GALNT15: variants seen among roughly 807,000 people sequenced by gnomAD.
GALNT15 encodes the protein polypeptide N-acetylgalactosaminyltransferase 15, also known as UDP-GalNAc transferase T15.
In GALNT15, 67 loss-of-function variants were observed where a neutral mutation model predicts 66.8. The observed-to-expected ratio is 1.00, with a 90% CI of 0.82 to 1.23. The LOEUF is 1.23. GALNT15 is among the 50% of genes most tolerant of loss of function. The pLI, the probability that GALNT15 is intolerant of heterozygous loss-of-function variation, is 0.00. For missense variants in GALNT15, 827 were observed against 804.3 expected (o/e 1.03, Z -0.34); for synonymous variants, 313 against 311.5 (o/e 1.00, Z -0.05).
chr3:16,205,093 G>A (rs2063743725), intron 3 of GALNT15, among the ~76,000 whole-genome samples: 1 of 152,178 alleles, frequency 6.6e-6, no homozygotes. Flanking sequence ...ATACCCTTCA[G>A]CATGACACGT....
the GALNT15 span, chr3:16,244,039 G>C: frequency 8.1e-6 from 8 of 982,592 alleles, no homozygotes; most frequent in Non-Finnish European, 9.7e-6. Context: ...ACTCAGAAGA[G>C]TGGCAGGCAC....
intron 8 of GALNT15, among the ~76,000 whole-genome samples, chr3:16,221,461 G>A (rs559793068): frequency 2.6e-5 from 4 of 152,146 alleles, no homozygotes; most frequent in Non-Finnish European, 5.9e-5. Flanking sequence ...TGAAAGTAGA[G>A]GAATTGGACA....
the GALNT15 span, among the ~76,000 whole-genome samples, chr3:16,238,837 G>A: frequency 2.0e-5 from 3 of 152,210 alleles, no homozygotes; most frequent in African/African-American, 7.2e-5. The surrounding 1 kb of genome is among the most constrained non-coding windows in gnomAD (Gnocchi z 4.8). Context: ...CATTGGTTTG[G>A]ATGCATTCAG....
At chr3:16,245,560 C>T in the GALNT15 span, among the ~76,000 whole-genome samples, 1 of 152,226 alleles carries the variant, frequency 6.6e-6, no homozygotes, top group Non-Finnish European at 1.5e-5. Flanking sequence ...TTGGCTGGGT[C>T]CTTTCTAGCA....
rs1428198839 is a variant in GALNT15 at position 16,184,231 on chromosome 3, A to C, written c.539+8541A>C. Among the ~76,000 whole-genome samples the C allele has an allele frequency of 1.3e-5, 2 of 152,214 alleles. No homozygotes were observed. Among genetic ancestry groups the C allele is most frequent in the Non-Finnish European group, 2.9e-5 (2 of 68,036 alleles). On this transcript the variant is annotated intron_variant, in intron 1 of 9. Transcript: ENST00000339732. This position sits in a 1 kb window ranked among gnomAD's most constrained non-coding sequence, Gnocchi z 5.0. ...ACCGAGATAGTAAAATATTCACCGGATATTTCGTTGAAGCAGAGAAGTTAG... is the reference window on the plus strand; with the variant it reads ...ACCGAGATAGTAAAATATTCACCGGCTATTTCGTTGAAGCAGAGAAGTTAG...
rs184380890 is a variant in GALNT15 at position 16,203,381 on chromosome 3, G to A, written c.911+2558G>A. ...GTGTCCTAGGCTAGAAAGAAAATGA[G>A]GCTCCCTGGGAAGCCCTTTGTGATT... is the stretch of plus-strand genomic sequence containing the variant. On this transcript the variant is annotated intron_variant, in intron 3 of 9. Coordinates refer to ENST00000339732, the MANE Select transcript of GALNT15 (RefSeq NM_054110.5). This position sits in a 1 kb window ranked among gnomAD's most constrained non-coding sequence, Gnocchi z 6.2. 3.9e-4 allele frequency among the ~76,000 whole-genome samples: 60 copies of A among 152,148 alleles called. No individual in the cohort carries two copies. Among genetic ancestry groups the A allele is most frequent in the African/African-American group, 1.3e-3 (55 of 41,478 alleles).
chr3:16,175,684 A>C lies in GALNT15; in HGVS notation c.533A>C (p.His178Pro). 2 of 1,581,048 alleles carry C rather than the reference A, an allele frequency of 1.3e-6. No individual in the cohort carries two copies. The highest frequency in any genetic ancestry group is 2.7e-5 in the African/African-American group (2 of 73,876). Residue 178 changes from histidine to proline, a missense_variant, in exon 1 of 10, where the codon CAC becomes CCC. By Grantham distance (77) the His-to-Pro change is moderately conservative (BLOSUM62 -2). Coordinates refer to ENST00000339732, the MANE Select transcript of GALNT15 (RefSeq NM_054110.5). This position sits in a 1 kb window ranked among gnomAD's most constrained non-coding sequence, Gnocchi z 5.6. ...PLQRALPEVRHPLCLQQHPQD... is the reference protein window; with the variant it reads ...PLQRALPEVRPPLCLQQHPQD... ...CAGAGGGCTCTGCCCGAGGTGCGGC[A>C]CCCACTGTAAGTAAGGCCCTTGTTT...
In GALNT15 at chr3:16,212,782, G is replaced by A; in HGVS notation, c.1392+19G>A. 6.2e-7 allele frequency: 1 copy of A among 1,607,246 alleles called. No homozygotes were observed. The highest frequency in any genetic ancestry group is 8.5e-7 in the Non-Finnish European group (1 of 1,176,204). ...GAGCAAGGTAAGGAGAGAGCCAAGT[G>A]GGGCTTCTGTGTCCAGCACAGGGCC... is the stretch of plus-strand genomic sequence containing the variant. On this transcript the variant is annotated intron_variant, in intron 6 of 9. Coordinates refer to ENST00000339732, the MANE Select transcript of GALNT15 (RefSeq NM_054110.5).
In GALNT15 at chr3:16,225,473, G is replaced by A. The variant is rs867272318; in HGVS notation, c.1774-1881G>A. Among the ~76,000 whole-genome samples the A allele has an allele frequency of 2.0e-5, 3 of 152,204 alleles. No individual in the cohort carries two copies. Among genetic ancestry groups the A allele is most frequent in the Admixed American group, 6.5e-5 (1 of 15,288 alleles). ...GCACTTCGGGAGGCCGAGGCAGGTG[G>A]ATCACGAGGTCAGGAGGCTGAGACC... On this transcript the variant is annotated intron_variant, in intron 9 of 9. Coordinates refer to ENST00000339732, the MANE Select transcript of GALNT15 (RefSeq NM_054110.5). This position sits in a 1 kb window ranked among gnomAD's most constrained non-coding sequence, Gnocchi z 4.4.
rs1164412111 is a variant in GALNT15, at chr3:16,209,735, T to C, written c.1079+1065T>C. 6.6e-6 allele frequency among the ~76,000 whole-genome samples: 1 copy of C among 152,154 alleles called. No homozygotes were observed. Among genetic ancestry groups the C allele is most frequent in the African/African-American group, 2.4e-5 (1 of 41,418 alleles). ...TACTTGGGAGGCTGAGGCACAAGAA[T>C]CACTGGAACCCAGGAGGCAGAGGTT... On this transcript the variant is annotated intron_variant, in intron 4 of 9. Transcript: ENST00000339732. This position sits in a 1 kb window ranked among gnomAD's most constrained non-coding sequence, Gnocchi z 4.1.
Position 16,195,704 on chromosome 3 carries a change from GGA to G in GALNT15, c.540-54_540-53del, listed in dbSNP as rs1164142172. 4.0e-6 allele frequency: 6 copies of G among 1,509,610 alleles called. No individual in the cohort carries two copies. The highest frequency in any genetic ancestry group is 5.5e-6 in the Non-Finnish European group (6 of 1,098,590). 93.5% of individuals were successfully genotyped at this position (1,509,610 alleles called of 1,614,324 possible). Reference sequence around the variant, plus strand: ...GCAAAGGAAGCGAGTTAGAGGGTGTGGAGTGTTTCTTGTGGCCTTCTCTTCCC... The same window carrying G: ...GCAAAGGAAGCGAGTTAGAGGGTGTGGTGTTTCTTGTGGCCTTCTCTTCCC... On this transcript the variant is annotated intron_variant, in intron 1 of 9. Transcript: ENST00000339732. This position sits in a 1 kb window ranked among gnomAD's most constrained non-coding sequence, Gnocchi z 4.6.
In GALNT15 at chr3:16,180,829, CTG is replaced by C. The variant is rs2063462598; in HGVS notation, c.539+5143_539+5144del. ...TTTTAACTTGCCTTTATGGTTCAGC[CTG>C]TGTTTCCCTGGTTTATGTACCCATA... On this transcript the variant is annotated intron_variant, in intron 1 of 9. Transcript: ENST00000339732. This position sits in a 1 kb window ranked among gnomAD's most constrained non-coding sequence, Gnocchi z 5.0. Among the ~76,000 whole-genome samples the C allele has an allele frequency of 6.6e-6, 1 of 152,206 alleles. No homozygotes were observed. Among genetic ancestry groups the C allele is most frequent in the Non-Finnish European group, 1.5e-5 (1 of 68,038 alleles).
chr3:16,227,642 A>G lies in GALNT15; in HGVS notation c.*142A>G. 6.7e-7 allele frequency: 1 copy of G among 1,490,986 alleles called. No homozygotes were observed. The highest frequency in any genetic ancestry group is 8.8e-7 in the Non-Finnish European group (1 of 1,131,158). 92.4% of individuals were successfully genotyped at this position (1,490,986 alleles called of 1,614,324 possible). On this transcript the variant is annotated 3_prime_UTR_variant, in exon 10 of 10. Coordinates refer to ENST00000339732, the MANE Select transcript of GALNT15 (RefSeq NM_054110.5). This position sits in a 1 kb window ranked among gnomAD's most constrained non-coding sequence, Gnocchi z 4.5. The stretch of plus-strand genomic sequence containing the variant: ...GGAGAGAAAAAAGCTCTATGAAAGA[A>G]TATAGGAAGTTTCTCCTTTTCACAC...
chr3:16,222,789 G>A, intron 9 of GALNT15, 31 bp downstream of exon 9: 1 of 1,610,854 alleles, frequency 6.2e-7, no homozygotes, highest in Non-Finnish European at 8.5e-7. Flanking sequence ...GAGCCTGGTA[G>A]TGCTGCTGGT....
chr3:16,235,976 G>A (rs889631615), downstream of GALNT15, among the ~76,000 whole-genome samples: 4 of 151,454 alleles, frequency 2.6e-5, no homozygotes, highest in African/African-American at 4.8e-5. Context: ...ATGGTGGCGG[G>A]TGCCTGTAAT....
the GALNT15 span, among the ~76,000 whole-genome samples, chr3:16,240,694 G>A: frequency 6.6e-6 from 1 of 152,074 alleles, no homozygotes; most frequent in African/African-American, 2.4e-5. Context: ...CTCCAGCCTT[G>A]ACTCCAACCA....
chr3:16,228,903 C>A lies in GALNT15; in HGVS notation c.*1403C>A. The A allele has an allele frequency of 2.0e-6, 2 of 985,406 alleles. No individual in the cohort carries two copies. Among genetic ancestry groups the A allele is most frequent in the Non-Finnish European group, 2.4e-6 (2 of 829,950 alleles). The allele number at this position is 985,406 out of a possible 1,614,324, so 61.0% of individuals were successfully genotyped here. On this transcript the variant is annotated 3_prime_UTR_variant, in exon 10 of 10. Transcript: ENST00000339732. ...AATGTCCATGAGTGTGGGAAGAACA[C>A]GGCTCATCTGGAGCACAGCTGAGGC...
chr3:16,207,501 TAAAAAAAAAAAAAAAAAAAAAAAAAAA>T lies in GALNT15; in HGVS notation c.912-986_912-960del, dbSNP rs36127239. On this transcript the variant is annotated intron_variant, in intron 3 of 9. Transcript: ENST00000339732. ...ACTCTGCAGTCATATCTCCAGGCTG[TAAAAAAAAAAAAAAAAAAAAAAAAAAA>T]AAAAAAAAAAAAAAATTGGGCCTAA... is the stretch of plus-strand genomic sequence containing the variant. 1.8e-4 allele frequency among the ~76,000 whole-genome samples: 7 copies of T among 39,846 alleles called. 1 individual carries two copies. Among genetic ancestry groups the T allele is most frequent in the African/African-American group, 2.1e-4 (2 of 9,410 alleles). The allele number at this position is 39,846 out of a possible 152,430, so 26.1% of individuals were successfully genotyped here.
At chr3:16,213,776 A>G (rs1050735681) in intron 6 of GALNT15, among the ~76,000 whole-genome samples, 1 of 152,214 alleles carries the variant, frequency 6.6e-6, no homozygotes, top group Admixed American at 6.5e-5. Flanking sequence ...TAGGCCGCTT[A>G]AATGGAAGGA....
Sources: gnomAD v4.1 joint callset for allele counts (sites outside exome capture counted in the v4.1 genomes callset) on GRCh38, gnomAD v4.1.1 for gene constraint, Gnocchi (gnomAD v3.1) non-coding constraint, MANE v1.5 for transcripts, NCBI Gene and HGNC (gene_info 2026-07-23, HGNC 2026-07-21) for gene names.